FRRS1: variants seen among roughly 807,000 people sequenced by gnomAD.
FRRS1 encodes the protein ferric chelate reductase 1.
Under a neutral mutation model 70.7 loss-of-function variants are expected in FRRS1, and 51 were observed. The ratio of observed to expected loss-of-function variants is 0.72; its 90% CI spans 0.58 to 0.91. The LOEUF (loss-of-function observed/expected upper bound fraction) is 0.91. Among genes scored for constraint, FRRS1 ranks in the 40% least tolerant of loss-of-function variants. The pLI, the probability that FRRS1 is intolerant of heterozygous loss-of-function variation, is 0.00. For missense variants in FRRS1, 672 were observed against 726.0 expected, an observed-to-expected ratio of 0.93 and a Z score of 0.86; for synonymous variants, 225 against 238.7, an observed-to-expected ratio of 0.94 and a Z score of 0.53.
intron 9 of FRRS1, among the ~76,000 whole-genome samples, chr1:99,728,026 C>T (rs951528565): frequency 6.6e-6 from 1 of 152,176 alleles, no homozygotes; most frequent in Non-Finnish European, 1.5e-5. Flanking sequence ...TGTCCAGGAC[C>T]TATTCTCTTT....
chr1:99,763,295 G>A (rs893164395), intron 1 of FRRS1, among the ~76,000 whole-genome samples: 12 of 151,502 alleles, frequency 7.9e-5, no homozygotes, highest in African/African-American at 2.9e-4. Context: ...ATATGGACAG[G>A]AATTTGGTTA....
rs370902681 is a variant in FRRS1, at chr1:99,747,312, C to A, written c.315G>T (p.Leu105Phe). ...TLIDSEVSQL[L>F]TCEDIQGSAV... is the part of the protein sequence containing the mutation. The stretch of plus-strand genomic sequence containing the variant: ...CACAAACCTGTATATCTTCACAGGT[C>A]AAAAGTTGTGACACTTCACTGTCAA... The change falls in exon 4 of 17, where the codon TTG (leucine) becomes TTT (phenylalanine). Residue 105 changes from leucine (L) to phenylalanine (F), a missense_variant. Leu to Phe is a conservative substitution (Grantham distance 22). Coordinates refer to ENST00000646001, the MANE Select transcript of FRRS1 (RefSeq NM_001361041.2). The A allele has an allele frequency of 1.2e-5, 19 of 1,613,432 alleles. No homozygotes were observed. The Admixed American group carries it at 3.2e-4, about 27-fold the overall frequency.
chr1:99,716,553 G>A (rs2100910956), intron 11 of FRRS1, among the ~76,000 whole-genome samples: 1 of 152,334 alleles, frequency 6.6e-6, no homozygotes. Context: ...CCAGGTAGCA[G>A]TACCGAGAAC....
chr1:99,710,102 A>G (rs767261547), intron 15 of FRRS1, among the ~76,000 whole-genome samples: 1 of 152,202 alleles, frequency 6.6e-6, no homozygotes, highest in Non-Finnish European at 1.5e-5. Flanking sequence ...AAGCCACCCC[A>G]GGCTCTCCTA....
intron 11 of FRRS1, 152 bp from the exon 12 acceptor site, chr1:99,715,824 GAAA>G: frequency 2.1e-5 from 8 of 377,818 alleles, no homozygotes; most frequent in Admixed American, 4.5e-5. Flanking sequence ...GCCAGGTTAA[GAAA>G]AAAAAAAAAA....
At chr1:99,718,800 A>G (rs1654662397) in intron 10 of FRRS1, among the ~76,000 whole-genome samples, 1 of 152,222 alleles carries the variant, frequency 6.6e-6, no homozygotes, top group Non-Finnish European at 1.5e-5. Flanking sequence ...GTTATAATTA[A>G]TCAAAATCAC....
At chr1:99,716,203 G>C (rs2100910034) in intron 11 of FRRS1, among the ~76,000 whole-genome samples, 1 of 152,290 alleles carries the variant, frequency 6.6e-6, no homozygotes, top group South Asian at 2.1e-4. Context: ...AGGATAACTG[G>C]TGCAGACCAA....
At chr1:99,759,124 T>A (rs536698076) in intron 1 of FRRS1, among the ~76,000 whole-genome samples, 44 of 152,190 alleles carry the variant, frequency 2.9e-4, no homozygotes, top group Non-Finnish European at 5.4e-4. Flanking sequence ...AAGCATGTGA[T>A]CTTTGTTAGA....
chr1:99,734,467 A>G (rs1655550243), intron 7 of FRRS1, among the ~76,000 whole-genome samples: 1 of 150,548 alleles, frequency 6.6e-6, no homozygotes, highest in South Asian at 2.1e-4. Flanking sequence ...ATAGAAATAG[A>G]AAGATAAAGT....
intron 1 of FRRS1, among the ~76,000 whole-genome samples, chr1:99,757,193 T>G (rs1656878930): frequency 6.6e-6 from 1 of 152,154 alleles, no homozygotes; most frequent in Non-Finnish European, 1.5e-5. Context: ...TATTTACCTT[T>G]ACTACATGTT....
chr1:99,764,327 A>G (rs993785276), intron 1 of FRRS1, among the ~76,000 whole-genome samples: 3 of 152,198 alleles, frequency 2.0e-5, no homozygotes, highest in African/African-American at 7.2e-5. Flanking sequence ...TTAGGAAGGT[A>G]TGTGTTTTCA....
chr1:99,747,592 A>C, intron 3 of FRRS1, 162 bp from the exon 4 acceptor site: 1 of 649,506 alleles, frequency 1.5e-6, no homozygotes, highest in South Asian at 2.3e-5. Flanking sequence ...TTTTTCCATA[A>C]AATTTTTTCC....
At chr1:99,721,507 CAAAAT>C (rs1268954269) in intron 9 of FRRS1, among the ~76,000 whole-genome samples, 1 of 150,834 alleles carries the variant, frequency 6.6e-6, no homozygotes, top group Non-Finnish European at 1.5e-5. Context: ...AAAATCTAAA[CAAAAT>C]AGGTGAATTT....
In FRRS1 at chr1:99,710,950, C is replaced by A. The variant is rs772842144; in HGVS notation, c.1481-1G>T. ...TCCATTCCCAGGAACATCGCTGCCA[C>A]TACATACAAAAGAAAAAAGTTACAT... On this transcript the variant is annotated splice_acceptor_variant, in intron 14 of 16. Coordinates refer to ENST00000646001, the MANE Select transcript of FRRS1 (RefSeq NM_001361041.2). LOFTEE classifies it high-confidence loss of function. The A allele has an allele frequency of 6.2e-7, 1 of 1,611,752 alleles. No individual in the cohort carries two copies. The highest frequency in any genetic ancestry group is 8.5e-7 in the Non-Finnish European group (1 of 1,178,480).
chr1:99,713,992 C>T (rs1198791813), intron 12 of FRRS1, among the ~76,000 whole-genome samples: 1 of 151,986 alleles, frequency 6.6e-6, no homozygotes, highest in Non-Finnish European at 1.5e-5. Context: ...GCATGCCTGG[C>T]ATGTCTGCAT....
At chr1:99,742,823 C>T (rs145244764) in intron 4 of FRRS1, among the ~76,000 whole-genome samples, 7 of 152,274 alleles carry the variant, frequency 4.6e-5, no homozygotes, top group Non-Finnish European at 8.8e-5. Context: ...GCTATGCTTC[C>T]CACTCACTGT....
At position 99,740,928 on chromosome 1, in the gene FRRS1, A is replaced by T. The variant is rs775140106; in HGVS notation, c.441T>A (p.Val147=). Residue 147 remains valine (V), a synonymous_variant, in exon 6 of 17, where the codon GTT becomes GTA. Transcript: ENST00000646001. ...PNHTQFLVTV[V]EKYKIYWVKI... ...TCACCCAGTAGATTTTATACTTCTC[A>T]ACAACTGTGACTCTGAAATGCAATA... 1 of 1,611,384 alleles carries T rather than the reference A, an allele frequency of 6.2e-7. No individual in the cohort carries two copies. The highest frequency in any genetic ancestry group is 8.5e-7 in the Non-Finnish European group (1 of 1,177,494).
intron 1 of FRRS1, among the ~76,000 whole-genome samples, chr1:99,763,893 A>T (rs1657231373): frequency 6.6e-6 from 1 of 151,912 alleles, no homozygotes; most frequent in Non-Finnish European, 1.5e-5. Context: ...AAGAATGAAA[A>T]GAAAAGAAAT....
chr1:99,717,695 T>C (rs975718228), intron 10 of FRRS1, among the ~76,000 whole-genome samples, 170 bp from the exon 11 acceptor site: 3 of 152,232 alleles, frequency 2.0e-5, no homozygotes, highest in Non-Finnish European at 4.4e-5. Flanking sequence ...CATTACTCTT[T>C]CGAACAGCAA....
Sources: gnomAD v4.1 joint callset for allele counts (sites outside exome capture counted in the v4.1 genomes callset) on GRCh38, gnomAD v4.1.1 for gene constraint, MANE v1.5 for transcripts, NCBI Gene and HGNC (gene_info 2026-07-23, HGNC 2026-07-21) for gene names.